Variants in DPP10 observed in about 807,000 individuals in gnomAD.
DPP10 encodes the protein inactive dipeptidyl peptidase 10.
A neutral mutation model predicts 120.9 loss-of-function variants in DPP10; 33 were observed. That is an observed-to-expected ratio of 0.27 (90% CI 0.21 to 0.37). The LOEUF (loss-of-function observed/expected upper bound fraction) is 0.37, where lower values mean the gene tolerates loss of function less well. Ranked by LOEUF, DPP10 falls within the 10% of genes least tolerant of loss-of-function variation. The pLI, the probability that DPP10 is intolerant of heterozygous loss-of-function variation, is 1.00. For synonymous variants in DPP10, 337 were observed against 326.1 expected (o/e 1.03, Z -0.36); for missense variants, 816 against 942.8 (o/e 0.87, Z 1.76).
chr2:114,690,860 T>G (rs1466584603), intron 1 of DPP10, among the ~76,000 whole-genome samples: 2 of 152,104 alleles, frequency 1.3e-5, no homozygotes. Flanking sequence ...ATGATTTGGC[T>G]CTCTGCTTGC....
intron 1 of DPP10, among the ~76,000 whole-genome samples, chr2:115,181,517 G>A (rs1026969316): frequency 2.0e-5 from 3 of 152,028 alleles, no homozygotes; most frequent in African/African-American, 7.2e-5. Flanking sequence ...TCTCCACATG[G>A]GTAGTTTGAA....
intron 1 of DPP10, among the ~76,000 whole-genome samples, chr2:114,770,759 A>T (rs1384647432): frequency 6.6e-6 from 1 of 152,114 alleles, no homozygotes; most frequent in South Asian, 2.1e-4. Context: ...TTTCTTTTAT[A>T]CCTTGAGTCC....
At chr2:114,791,444 G>A (rs1295940174) in intron 1 of DPP10, among the ~76,000 whole-genome samples, 2 of 152,168 alleles carry the variant, frequency 1.3e-5, no homozygotes, top group African/African-American at 4.8e-5. Flanking sequence ...TCTCACTCAG[G>A]AGCTGCTGGG....
intron 3 of DPP10, among the ~76,000 whole-genome samples, chr2:115,372,184 ATAT>A (rs2065457532): frequency 6.6e-6 from 1 of 152,202 alleles, no homozygotes; most frequent in Non-Finnish European, 1.5e-5. Flanking sequence ...AGTCAAAGAA[ATAT>A]TATTCTCAAT....
At chr2:114,686,851 T>C (rs1487851853) in intron 1 of DPP10, among the ~76,000 whole-genome samples, 2 of 151,774 alleles carry the variant, frequency 1.3e-5, no homozygotes, top group Admixed American at 6.6e-5. Flanking sequence ...GTATCACACA[T>C]GCATTCATCC....
intron 1 of DPP10, among the ~76,000 whole-genome samples, chr2:114,807,964 A>G (rs1465717740): frequency 6.6e-6 from 1 of 152,208 alleles, no homozygotes; most frequent in Non-Finnish European, 1.5e-5. Flanking sequence ...TGTGCCTGCA[A>G]GTGTCTATTA....
chr2:114,794,980 T>C (rs1264554461), intron 1 of DPP10, among the ~76,000 whole-genome samples: 1 of 152,234 alleles, frequency 6.6e-6, no homozygotes, highest in Non-Finnish European at 1.5e-5. Context: ...CAGTCATTAA[T>C]ACTTTTGTTT....
chr2:115,332,262 G>A (rs2062795236), intron 2 of DPP10, among the ~76,000 whole-genome samples: 2 of 152,272 alleles, frequency 1.3e-5, no homozygotes, highest in South Asian at 4.1e-4. Context: ...TGTGGGATCA[G>A]TGGTAATATC....
At chr2:115,594,174 G>GA (rs2082852131) in intron 5 of DPP10, among the ~76,000 whole-genome samples, 1 of 152,082 alleles carries the variant, frequency 6.6e-6, no homozygotes, top group Non-Finnish European at 1.5e-5. Flanking sequence ...CATATCTAAA[G>GA]GTATGCCCTT....
At chr2:114,646,445 CA>C (rs1696143298) in intron 1 of DPP10, among the ~76,000 whole-genome samples, 1 of 152,118 alleles carries the variant, frequency 6.6e-6, no homozygotes, top group South Asian at 2.1e-4. Flanking sequence ...CTGAGATGCC[CA>C]AGGCCAGACT....
chr2:114,941,501 G>A (rs1286141042), intron 1 of DPP10, among the ~76,000 whole-genome samples: 1 of 152,054 alleles, frequency 6.6e-6, no homozygotes, highest in South Asian at 2.1e-4. Context: ...TATTTTCTAG[G>A]TATTACACTA....
At chr2:114,966,688 C>G (rs1325184221) in intron 1 of DPP10, among the ~76,000 whole-genome samples, 1 of 152,236 alleles carries the variant, frequency 6.6e-6, no homozygotes, top group Non-Finnish European at 1.5e-5. Context: ...CATTTATGAT[C>G]TTGACCAGAG....
At chr2:114,674,605 G>T (rs1168700304) in intron 1 of DPP10, among the ~76,000 whole-genome samples, 1 of 152,114 alleles carries the variant, frequency 6.6e-6, no homozygotes, top group African/African-American at 2.4e-5. Context: ...TCCTAAAAAC[G>T]TGAGTCACGG....
intron 12 of DPP10, 143 bp downstream of exon 12, chr2:115,762,753 C>A: frequency 1.0e-6 from 1 of 958,754 alleles, no homozygotes; most frequent in Non-Finnish European, 1.6e-6. Context: ...AAAAGGATCA[C>A]TTATGACTTG....
At chr2:114,890,056 T>C (rs1308882710) in intron 1 of DPP10, among the ~76,000 whole-genome samples, 1 of 152,230 alleles carries the variant, frequency 6.6e-6, no homozygotes, top group African/African-American at 2.4e-5. Flanking sequence ...GAATAAGTCA[T>C]GTCTCCTTTC....
chr2:114,923,896 T>C (rs1695402931), intron 1 of DPP10, among the ~76,000 whole-genome samples: 1 of 152,320 alleles, frequency 6.6e-6, no homozygotes, highest in African/African-American at 2.4e-5. Flanking sequence ...TAATTTGTTT[T>C]TTATTTTTAT....
At chr2:115,778,714 A>G (rs1682410346) in intron 15 of DPP10, among the ~76,000 whole-genome samples, 1 of 152,058 alleles carries the variant, frequency 6.6e-6, no homozygotes, top group Non-Finnish European at 1.5e-5. Flanking sequence ...TGCATGCTTA[A>G]AGTACCCCGA....
intron 5 of DPP10, among the ~76,000 whole-genome samples, chr2:115,615,896 G>T (rs1038951818): frequency 2.0e-5 from 3 of 152,144 alleles, no homozygotes; most frequent in African/African-American, 7.2e-5. Flanking sequence ...CAATTAAATA[G>T]AGGTGAGGGA....
intron 1 of DPP10, among the ~76,000 whole-genome samples, chr2:115,125,580 T>G (rs2104758151): frequency 6.8e-6 from 1 of 147,598 alleles, no homozygotes; most frequent in Non-Finnish European, 1.5e-5. Flanking sequence ...TTTTTTTTTT[T>G]TTTTTTTTGA....
Sources: gnomAD v4.1 joint callset for allele counts (sites outside exome capture counted in the v4.1 genomes callset) on GRCh38, gnomAD v4.1.1 for gene constraint, MANE v1.5 for transcripts, NCBI Gene and HGNC (gene_info 2026-07-23, HGNC 2026-07-21) for gene names.